Variants in ST3GAL6 observed in about 807,000 individuals in gnomAD.
The protein encoded by ST3GAL6 is ST3 beta-galactoside alpha-2,3-sialyltransferase 6.
ST3GAL6 carries 31 observed loss-of-function variants against 40.5 expected under a neutral mutation model. The observed-to-expected ratio is 0.77, with a 90% CI of 0.58 to 1.03. The LOEUF is 1.03. ST3GAL6 is among the 50% of genes least tolerant of loss of function. ST3GAL6 has a pLI of 0.00. For synonymous variants in ST3GAL6, 129 were observed against 136.9 expected, an observed-to-expected ratio of 0.94 and a Z score of 0.40; for missense variants, 357 against 393.2, an observed-to-expected ratio of 0.91 and a Z score of 0.78.
At chr3:98,782,590 T>A (rs1274400366) in intron 5 of ST3GAL6, 3 of 514,928 alleles carry the variant, frequency 5.8e-6, no homozygotes, top group Non-Finnish European at 1.1e-5. Flanking sequence ...TCCAGCACTG[T>A]CCCTGGGGTC....
chr3:98,732,665 C>A (rs1935123183), intron 1 of ST3GAL6: 3 of 528,610 alleles, frequency 5.7e-6, no homozygotes, highest in Non-Finnish European at 9.7e-6. Context: ...AGCCGCGGAG[C>A]AGGAGGAGCT....
At chr3:98,737,912 T>A (rs1224283449) in intron 1 of ST3GAL6, among the ~76,000 whole-genome samples, 3 of 152,230 alleles carry the variant, frequency 2.0e-5, no homozygotes, top group African/African-American at 7.2e-5. Context: ...GGTTTGGATC[T>A]GTGCCCCCAC....
At chr3:98,778,425 T>G (rs535991019) in intron 5 of ST3GAL6, among the ~76,000 whole-genome samples, 129 of 152,344 alleles carry the variant, frequency 8.5e-4, no homozygotes, top group African/African-American at 2.8e-3. Flanking sequence ...CCTCCCTACT[T>G]TAGACATTCT....
intron 1 of ST3GAL6, among the ~76,000 whole-genome samples, chr3:98,767,971 G>A (rs1207639082): frequency 9.2e-5 from 14 of 151,966 alleles, no homozygotes. Context: ...AAATTATAAT[G>A]TATAACATTT....
chr3:98,762,305 T>A (rs893845505), upstream of ST3GAL6, among the ~76,000 whole-genome samples: 7 of 152,252 alleles, frequency 4.6e-5, no homozygotes, highest in Middle Eastern at 3.2e-3. Flanking sequence ...ATCTAATTTG[T>A]TGACACTACA....
At chr3:98,783,435 C>T (rs764154671) in intron 5 of ST3GAL6, 154 of 452,360 alleles carry the variant, frequency 3.4e-4, no homozygotes, top group Non-Finnish European at 4.0e-4. Context: ...GTTCAGTGTC[C>T]CCTTGCCGGC....
intron 1 of ST3GAL6, among the ~76,000 whole-genome samples, chr3:98,753,850 C>T (rs577491459): frequency 6.6e-6 from 1 of 152,316 alleles, no homozygotes; most frequent in East Asian, 1.9e-4. Context: ...AAAGGAACAG[C>T]ATGGTTTACT....
In ST3GAL6 at chr3:98,794,890, G is replaced by GCTGT. The variant is rs943731718; in HGVS notation, c.*1132_*1135dup. On this transcript the variant is annotated 3_prime_UTR_variant, in exon 10 of 10. Coordinates refer to ENST00000483910, the MANE Select transcript of ST3GAL6 (RefSeq NM_001323368.2). Reference sequence around the variant, plus strand: ...ACTTCAGCCTGGGTGACAGAGTGAGGCTGTCTTCTAAAAAATATAAAAAGT... The same window carrying GCTGT: ...ACTTCAGCCTGGGTGACAGAGTGAGGCTGTCTGTCTTCTAAAAAATATAAAAAGT... The GCTGT allele has an allele frequency of 1.3e-5, 2 of 152,112 alleles. No individual in the cohort carries two copies. Among genetic ancestry groups the GCTGT allele is most frequent in the African/African-American group, 2.4e-5 (1 of 41,438 alleles). 9.4% of individuals were successfully genotyped at this position (152,112 alleles called of 1,614,324 possible). A position where few individuals can be genotyped will look rare whatever the true frequency, so the allele number is the denominator to read the frequency against.
intron 1 of ST3GAL6, among the ~76,000 whole-genome samples, chr3:98,744,881 A>G (rs1936419025): frequency 6.6e-6 from 1 of 152,190 alleles, no homozygotes; most frequent in Non-Finnish European, 1.5e-5. Flanking sequence ...TTCTTTGATA[A>G]AATAGAAAAG....
At position 98,795,599 on chromosome 3, in the gene ST3GAL6, GAA is replaced by G. The variant is rs1311991140; in HGVS notation, c.*1839_*1840del. The stretch of plus-strand genomic sequence containing the variant: ...TATAAAGTAAATCAGGCTTCAAAAA[GAA>G]TGGTGCTGTGGGTACACAAGGACAT... On this transcript the variant is annotated 3_prime_UTR_variant, in exon 10 of 10. Transcript: ENST00000483910. 1 of 152,160 alleles carries G rather than the reference GAA, an allele frequency of 6.6e-6. No homozygotes were observed. The highest frequency in any genetic ancestry group is 2.4e-5 in the African/African-American group (1 of 41,420). The allele number at this position is 152,160 out of a possible 1,614,324, so 9.4% of individuals were successfully genotyped here.
At chr3:98,740,808 C>T (rs1936016526) in intron 1 of ST3GAL6, among the ~76,000 whole-genome samples, 1 of 152,250 alleles carries the variant, frequency 6.6e-6, no homozygotes, top group African/African-American at 2.4e-5. Context: ...TTCTATTCTT[C>T]CTCAATTAGT....
chr3:98,752,772 A>T (rs1186112316), intron 1 of ST3GAL6, among the ~76,000 whole-genome samples: 11 of 152,196 alleles, frequency 7.2e-5, no homozygotes, highest in African/African-American at 2.4e-4. Context: ...CGCCCAGCTG[A>T]TCACTGATCT....
Position 98,785,144 on chromosome 3 carries a change from G to A in ST3GAL6, c.431+104G>A. The A allele has an allele frequency of 3.8e-6, 3 of 785,618 alleles. No homozygotes were observed. In the South Asian group the frequency reaches 5.6e-5, roughly 15 times the overall value. The allele number at this position is 785,618 out of a possible 1,614,324, so 48.7% of individuals were successfully genotyped here. On this transcript the variant is annotated intron_variant, in intron 6 of 9. Coordinates refer to ENST00000483910, the MANE Select transcript of ST3GAL6 (RefSeq NM_001323368.2). The stretch of plus-strand genomic sequence containing the variant: ...ACAGGAAGGGGAGATGTTTCCATTT[G>A]GTTTTTTTTTTATTGCACAACCTTC...
intron 1 of ST3GAL6, among the ~76,000 whole-genome samples, chr3:98,767,681 A>C (rs1207828818): frequency 6.6e-6 from 1 of 152,256 alleles, no homozygotes; most frequent in African/African-American, 2.4e-5. Flanking sequence ...AGCAAAAGAG[A>C]AAACCAAACA....
At position 98,791,829 on chromosome 3, in the gene ST3GAL6, C is replaced by T. The variant is rs982956480; in HGVS notation, c.757-12C>T. 2.5e-6 allele frequency: 4 copies of T among 1,587,984 alleles called. No homozygotes were observed. In the African/African-American group the frequency reaches 5.4e-5, roughly 22 times the overall value. ...TTTTGCTTAAAAAAGTTTTTTTCAT[C>T]CCCTCCCCCAGAAACCTAAACACCC... is the stretch of plus-strand genomic sequence containing the variant. On this transcript the variant is annotated splice_polypyrimidine_tract_variant and intron_variant, in intron 8 of 9. Transcript: ENST00000483910.
chr3:98,761,536 G>A (rs1937765553), upstream of ST3GAL6, among the ~76,000 whole-genome samples: 2 of 151,856 alleles, frequency 1.3e-5, no homozygotes, highest in South Asian at 4.2e-4. Flanking sequence ...CTTGAACCCG[G>A]GTGGTGGAGG....
chr3:98,763,509 T>C, intron 1 of ST3GAL6, 70 bp downstream of exon 1: 1 of 1,270,954 alleles, frequency 7.9e-7, no homozygotes, highest in South Asian at 1.2e-5. Context: ...GCTGAGATAT[T>C]AGACATTAGG....
At chr3:98,754,516 A>G (rs1390611983) in intron 1 of ST3GAL6, among the ~76,000 whole-genome samples, 1 of 152,232 alleles carries the variant, frequency 6.6e-6, no homozygotes, top group Non-Finnish European at 1.5e-5. Flanking sequence ...AATGACAACA[A>G]AGGGTTAGGA....
rs1432637536 is a variant in ST3GAL6, at chr3:98,795,730, G to GGAT, written c.*1974_*1976dup. ...GTATTGGGTACTATGCTCACAACCT[G>GGAT]GATGATGGGATCATTCATACCACAA... On this transcript the variant is annotated 3_prime_UTR_variant, in exon 10 of 10. Coordinates refer to ENST00000483910, the MANE Select transcript of ST3GAL6 (RefSeq NM_001323368.2). 1.4e-4 allele frequency: 21 copies of GGAT among 152,090 alleles called. No homozygotes were observed. Among genetic ancestry groups the GGAT allele is most frequent in the African/African-American group, 5.1e-4 (21 of 41,406 alleles). The allele number at this position is 152,090 out of a possible 1,614,324, so 9.4% of individuals were successfully genotyped here. A position where few individuals can be genotyped will look rare whatever the true frequency, so the allele number is the denominator to read the frequency against.
Sources: allele counts gnomAD v4.1 joint callset (sites outside exome capture counted in the v4.1 genomes callset), GRCh38; gene constraint gnomAD v4.1.1; transcripts MANE v1.5; gene names NCBI Gene and HGNC (gene_info 2026-07-23, HGNC 2026-07-21).